Variants in XIAP observed in about 807,000 individuals in gnomAD.
XIAP encodes the protein X-linked inhibitor of apoptosis, also known as E3 ubiquitin-protein ligase XIAP.
Under a neutral mutation model 33.1 loss-of-function variants are expected in XIAP, and 3 were observed. The ratio of observed to expected loss-of-function variants is 0.09; its 90% confidence interval spans 0.04 to 0.23. The LOEUF (loss-of-function observed/expected upper bound fraction) is 0.23, where lower values mean the gene tolerates loss of function less well. XIAP is among the 10% of genes least tolerant of loss of function. The probability of loss-of-function intolerance (pLI) is 1.00; values close to 1 mark genes in which losing one functional copy is unlikely to be tolerated. For synonymous variants in XIAP, 98 were observed against 121.3 expected (o/e 0.81, Z 1.26); for missense variants, 264 against 363.0 (o/e 0.73, Z 2.22).
In XIAP at chrX:123,910,258, G is replaced by T. The variant is rs1449438478; in HGVS notation, c.*3077G>T. On this transcript the variant is annotated 3_prime_UTR_variant, in exon 7 of 7. Transcript: ENST00000371199. ...TTTTTCCCCTGTCCCTTTGATTACGGGCTAAGGTAGGGTAGAGTGGGTGTA... is the reference window on the plus strand; with the variant it reads ...TTTTTCCCCTGTCCCTTTGATTACGTGCTAAGGTAGGGTAGAGTGGGTGTA... 1 of 329,213 alleles carries T rather than the reference G, an allele frequency of 3.0e-6. No homozygotes were observed. The allele number at this position is 329,213 out of a possible 1,213,427, so 27.1% of individuals were successfully genotyped here.
chrX:123,879,938 C>T (rs764860926), intron 1 of XIAP, among the ~76,000 whole-genome samples: 16 of 104,439 alleles, frequency 1.5e-4, no homozygotes, highest in African/African-American at 5.6e-4. Flanking sequence ...CACAGTGAAA[C>T]CCCGTCTTTA....
In XIAP at chrX:123,913,814, A is replaced by G. The variant is rs1397152229; in HGVS notation, c.*6633A>G. Reference sequence around the variant, plus strand: ...GAAATGTTTTGAGACAGAGTACTATATTTGTGAATATAATTTTATGGTTTT... The same window carrying G: ...GAAATGTTTTGAGACAGAGTACTATGTTTGTGAATATAATTTTATGGTTTT... On this transcript the variant is annotated 3_prime_UTR_variant, in exon 7 of 7. Transcript: ENST00000371199. 6.2e-6 allele frequency: 2 copies of G among 323,816 alleles called. No individual in the cohort carries two copies. Among genetic ancestry groups the G allele is most frequent in the Non-Finnish European group, 1.2e-5 (2 of 168,558 alleles). The allele number at this position is 323,816 out of a possible 1,213,427, so 26.7% of individuals were successfully genotyped here.
At chrX:123,882,381 CT>C (rs1405110224) in intron 1 of XIAP, among the ~76,000 whole-genome samples, 1 of 111,976 alleles carries the variant, frequency 8.9e-6, no homozygotes, top group East Asian at 2.8e-4. Flanking sequence ...ACATGATAAT[CT>C]TTTAGATATC....
intron 3 of XIAP, 70 bp from the exon 4 acceptor site, chrX:123,891,168 T>G: frequency 1.9e-6 from 1 of 526,457 alleles, no homozygotes; most frequent in African/African-American, 2.3e-5. Context: ...ATTAATATGA[T>G]GGAGATTATA....
At chrX:123,864,639 T>A (rs969115917) in intron 1 of XIAP, among the ~76,000 whole-genome samples, 3 of 19,830 alleles carry the variant, frequency 1.5e-4, no homozygotes, top group African/African-American at 5.5e-4. Flanking sequence ...GCTTAGAGTG[T>A]GTGTGTGTGT....
chrX:123,864,767 CGTGTGTGTGTGTGTGTGTGTGTGT>C (rs752421505), intron 1 of XIAP, among the ~76,000 whole-genome samples: 24,056 of 52,496 alleles, frequency 0.46, 4,797 homozygotes, highest in African/African-American at 0.55. Flanking sequence ...GTCGCATTCT[CGTGTGTGTGTGTGTGTGTGTGTGT>C]GTGTGTGTGT....
At chrX:123,871,379 A>G (rs1291835853) in intron 1 of XIAP, among the ~76,000 whole-genome samples, 1 of 112,554 alleles carries the variant, frequency 8.9e-6, no homozygotes, top group Non-Finnish European at 1.9e-5. Flanking sequence ...GATTGTATGA[A>G]CTGCTTTCTA....
Position 123,911,922 on chromosome X carries a change from G to A in XIAP, c.*4741G>A. On this transcript the variant is annotated 3_prime_UTR_variant, in exon 7 of 7. Transcript: ENST00000371199. The stretch of plus-strand genomic sequence containing the variant: ...CCAGTTCTTTCATTTTACAGGTGAG[G>A]CAACTGAGACTCAAAGGTGATGTAA... 3.0e-6 allele frequency: 1 copy of A among 328,860 alleles called. No individual in the cohort carries two copies. Among genetic ancestry groups the A allele is most frequent in the South Asian group, 2.6e-5 (1 of 38,472 alleles). 27.1% of individuals were successfully genotyped at this position (328,860 alleles called of 1,213,427 possible).
intron 4 of XIAP, among the ~76,000 whole-genome samples, 165 bp from the exon 5 acceptor site, chrX:123,892,566 T>A (rs2053417597): frequency 2.7e-5 from 3 of 111,201 alleles, no homozygotes; most frequent in Admixed American, 9.7e-5. Context: ...GATAATCTTA[T>A]GACTTCCTTC....
At chrX:123,890,474 A>C (rs1240004913) in intron 3 of XIAP, among the ~76,000 whole-genome samples, 1 of 105,809 alleles carries the variant, frequency 9.5e-6, no homozygotes, top group Admixed American at 1.0e-4. Flanking sequence ...AAATACAAAA[A>C]AAAAAATTAG....
chrX:123,896,003 C>T (rs2053456787), intron 5 of XIAP, among the ~76,000 whole-genome samples: 1 of 111,126 alleles, frequency 9.0e-6, no homozygotes, highest in Non-Finnish European at 1.9e-5. Context: ...CTCAGGTGAT[C>T]CACCCACGTT....
intron 5 of XIAP, among the ~76,000 whole-genome samples, chrX:123,898,454 C>T (rs1043032669): frequency 2.7e-5 from 3 of 111,251 alleles, no homozygotes; most frequent in African/African-American, 6.5e-5. Flanking sequence ...CCTCCACCTC[C>T]GGGGGTCACG....
chrX:123,907,738 G>A lies in XIAP; in HGVS notation c.*557G>A. ...TACTTGTGCGAATTATTTTTTTAAA[G>A]TGATTTGCCATTTTTGAAAGCGTAT... On this transcript the variant is annotated 3_prime_UTR_variant, in exon 7 of 7. Coordinates refer to ENST00000371199, the MANE Select transcript of XIAP (RefSeq NM_001167.4). 1 of 378,622 alleles carries A rather than the reference G, an allele frequency of 2.6e-6. No individual in the cohort carries two copies. The highest frequency in any genetic ancestry group is 5.0e-6 in the Non-Finnish European group (1 of 200,290). The allele number at this position is 378,622 out of a possible 1,213,427, so 31.2% of individuals were successfully genotyped here. A position where few individuals can be genotyped will look rare whatever the true frequency, so the allele number is the denominator to read the frequency against.
rs748952712 is a variant in XIAP at position 123,907,332 on chromosome X, A to G, written c.*151A>G. 55 of 544,743 alleles carry G rather than the reference A, an allele frequency of 1.0e-4. No individual in the cohort carries two copies. Among genetic ancestry groups the G allele is most frequent in the Middle Eastern group, 5.0e-4 (1 of 1,985 alleles). 44.9% of individuals were successfully genotyped at this position (544,743 alleles called of 1,213,427 possible). ...ACATGGCAGTGTTTTAGTTGGCAAT[A>G]TAATCTTTGAATTTCTTGATTTTTC... On this transcript the variant is annotated 3_prime_UTR_variant, in exon 7 of 7. Transcript: ENST00000371199.
chrX:123,909,705 T>G lies in XIAP; in HGVS notation c.*2524T>G, dbSNP rs2053582895. 1 of 327,473 alleles carries G rather than the reference T, an allele frequency of 3.1e-6. No individual in the cohort carries two copies. The highest frequency in any genetic ancestry group is 2.7e-5 in the African/African-American group (1 of 37,515). The allele number at this position is 327,473 out of a possible 1,213,427, so 27.0% of individuals were successfully genotyped here. On this transcript the variant is annotated 3_prime_UTR_variant, in exon 7 of 7. Transcript: ENST00000371199. ...TGTATGTTTAGAGTTAAGCAAGACT[T>G]TTTTTCTTCCTCTCCATGAGTTGTG... is the stretch of plus-strand genomic sequence containing the variant.
At chrX:123,877,971 GAA>G (rs76126679) in intron 1 of XIAP, among the ~76,000 whole-genome samples, 21 of 77,915 alleles carry the variant, frequency 2.7e-4, no homozygotes, top group Admixed American at 7.4e-4. Flanking sequence ...CCGTCTCAAA[GAA>G]AAAAAAAAAA....
At chrX:123,878,524 C>G (rs1272241016) in intron 1 of XIAP, 1 of 112,199 alleles carries the variant, frequency 8.9e-6, no homozygotes, top group Non-Finnish European at 1.9e-5. Flanking sequence ...GGTTTAAAAG[C>G]TCTTAAACTA....
Position 123,910,506 on chromosome X carries a change from T to C in XIAP, c.*3325T>C, listed in dbSNP as rs2053589766. ...ATTTCCTGATTACACAGGTGTTGAATGGGGAAAGGGGCTAGTATATCAGTA... is the reference window on the plus strand; with the variant it reads ...ATTTCCTGATTACACAGGTGTTGAACGGGGAAAGGGGCTAGTATATCAGTA... On this transcript the variant is annotated 3_prime_UTR_variant, in exon 7 of 7. Transcript: ENST00000371199. The C allele has an allele frequency of 3.0e-6, 1 of 329,211 alleles. No individual in the cohort carries two copies. The allele number at this position is 329,211 out of a possible 1,213,427, so 27.1% of individuals were successfully genotyped here. A position where few individuals can be genotyped will look rare whatever the true frequency, so the allele number is the denominator to read the frequency against.
chrX:123,900,560 T>A lies in XIAP; in HGVS notation c.1167T>A (p.Ile389=). The A allele has an allele frequency of 8.3e-7, 1 of 1,210,785 alleles. No individual in the cohort carries two copies. The highest frequency in any genetic ancestry group is 1.1e-6 in the Non-Finnish European group (1 of 894,829). ...GAATGGGGTTCAGTTTCAAGGACAT[T>A]AAGAAAATAATGGAGGAAAAAATTC... The part of the protein sequence containing the change: ...AIRMGFSFKD[I]KKIMEEKIQI... Residue 389 remains isoleucine (I), a synonymous_variant, in exon 6 of 7, where the codon ATT becomes ATA. Coordinates refer to ENST00000371199, the MANE Select transcript of XIAP (RefSeq NM_001167.4).
Sources: allele counts gnomAD v4.1 joint callset (sites outside exome capture counted in the v4.1 genomes callset), GRCh38; gene constraint gnomAD v4.1.1; transcripts MANE v1.5; gene names NCBI Gene and HGNC (gene_info 2026-07-23, HGNC 2026-07-21).